Variants in ZNF599 observed in about 807,000 individuals in gnomAD.
ZNF599 encodes the protein zinc finger protein 599.
Under a neutral mutation model 11.7 loss-of-function variants are expected in ZNF599, and 10 were observed. That is an observed-to-expected ratio of 0.86 (90% confidence interval 0.53 to 1.45). The LOEUF is 1.45. Among genes scored for constraint, ZNF599 ranks in the 40% most tolerant of loss-of-function variants. ZNF599 has a pLI of 0.00. For synonymous variants in ZNF599, 232 were observed against 253.2 expected, an observed-to-expected ratio of 0.92 and a Z score of 0.79; for missense variants, 688 against 713.6, an observed-to-expected ratio of 0.96 and a Z score of 0.41.
At chr19:34,793,163 A>AT in the ZNF599 span, among the ~76,000 whole-genome samples, 10 of 152,262 alleles carry the variant, frequency 6.6e-5, no homozygotes, top group African/African-American at 2.4e-4. Context: ...AGGACTGAAC[A>AT]TTTTGCTGAG....
chr19:34,792,234 CAG>C, the ZNF599 span, among the ~76,000 whole-genome samples: 1 of 152,178 alleles, frequency 6.6e-6, no homozygotes, highest in Non-Finnish European at 1.5e-5. Context: ...CATTTCATAA[CAG>C]AAACTATTTT....
intron 3 of ZNF599, chr19:34,765,745 T>C: frequency 1.4e-6 from 1 of 694,904 alleles, no homozygotes; most frequent in Admixed American, 2.0e-5. Flanking sequence ...CTGACATCAG[T>C]GGCAAGGGAG....
At chr19:34,806,992 T>C in the ZNF599 span, among the ~76,000 whole-genome samples, 1 of 152,178 alleles carries the variant, frequency 6.6e-6, no homozygotes, top group African/African-American at 2.4e-5. Flanking sequence ...TGGGCCCAGT[T>C]TGGTTCTGTG....
chr19:34,777,459 A>T (rs35296268), upstream of ZNF599, among the ~76,000 whole-genome samples: 3 of 98,360 alleles, frequency 3.1e-5, no homozygotes, highest in East Asian at 2.4e-4. Flanking sequence ...ATTAATATAT[A>T]ATATATTATA....
chr19:34,804,487 G>T, the ZNF599 span, among the ~76,000 whole-genome samples: 1 of 152,180 alleles, frequency 6.6e-6, no homozygotes, highest in Non-Finnish European at 1.5e-5. Flanking sequence ...GAAAGCTGAA[G>T]ATCATGACCT....
the ZNF599 span, among the ~76,000 whole-genome samples, chr19:34,786,540 C>A: frequency 6.6e-6 from 1 of 152,286 alleles, no homozygotes; most frequent in African/African-American, 2.4e-5. Flanking sequence ...TGGTGTCTTG[C>A]AAAGCCCACA....
upstream of ZNF599, among the ~76,000 whole-genome samples, chr19:34,778,112 G>A (rs982069512): frequency 2.6e-5 from 4 of 152,004 alleles, no homozygotes; most frequent in African/African-American, 9.7e-5. Flanking sequence ...CAATAAATAT[G>A]TGCAGGTTTT....
chr19:34,790,221 C>G, the ZNF599 span, among the ~76,000 whole-genome samples: 2 of 152,272 alleles, frequency 1.3e-5, no homozygotes, highest in South Asian at 4.1e-4. Flanking sequence ...TCACAAAAGG[C>G]TTTCTGACAT....
At chr19:34,803,568 A>G in the ZNF599 span, among the ~76,000 whole-genome samples, 1 of 152,070 alleles carries the variant, frequency 6.6e-6, no homozygotes, top group Admixed American at 6.5e-5. Context: ...CCCCATATTC[A>G]TACTCCTTCC....
At chr19:34,775,002 CCTCA>C (rs1458887700), upstream of ZNF599, among the ~76,000 whole-genome samples, 1 of 152,084 alleles carries the variant, frequency 6.6e-6, no homozygotes, top group Non-Finnish European at 1.5e-5. Flanking sequence ...GGCATCTTCC[CCTCA>C]CTCTCTCTTG....
chr19:34,760,435 T>C lies in ZNF599; in HGVS notation c.366A>G (p.Arg122=). The C allele has an allele frequency of 1.2e-6, 2 of 1,614,196 alleles. No homozygotes were observed. The highest frequency in any genetic ancestry group is 1.1e-5 in the South Asian group (1 of 91,086). ...SSRDSRLGQA[R]DEEKLIKIQE... is the part of the protein sequence containing the mutation. The stretch of plus-strand genomic sequence containing the variant: ...GAATTTTTATTAGCTTTTCCTCATC[T>C]CTAGCTTGCCCCAACCTGGAATCTC... Residue 122 remains arginine, a synonymous_variant, in exon 4 of 4, where the codon AGA becomes AGG. Coordinates refer to ENST00000329285, the MANE Select transcript of ZNF599 (RefSeq NM_001007248.3).
At chr19:34,773,704 G>GA (rs2069201562), upstream of ZNF599, among the ~76,000 whole-genome samples, 2 of 151,974 alleles carry the variant, frequency 1.3e-5, no homozygotes, top group Admixed American at 1.3e-4. Flanking sequence ...GGTACTCTGG[G>GA]GGGTGGGACC....
chr19:34,770,802 T>G (rs1800124797), intron 1 of ZNF599, among the ~76,000 whole-genome samples: 1 of 152,146 alleles, frequency 6.6e-6, no homozygotes, highest in African/African-American at 2.4e-5. Flanking sequence ...TTGGTGTCAC[T>G]CTATGTCTCC....
At chr19:34,796,662 C>A in the ZNF599 span, among the ~76,000 whole-genome samples, 1 of 152,156 alleles carries the variant, frequency 6.6e-6, no homozygotes, top group Admixed American at 6.5e-5. Flanking sequence ...GGGAGCCATT[C>A]TTTTCCTCTG....
chr19:34,766,952 CA>C (rs918509123), intron 3 of ZNF599: 18 of 188,446 alleles, frequency 9.6e-5, no homozygotes, highest in African/African-American at 3.7e-4. Context: ...GATAAAAAAA[CA>C]AAACAAAACG....
the ZNF599 span, among the ~76,000 whole-genome samples, chr19:34,780,248 C>T: frequency 6.6e-6 from 1 of 152,302 alleles, no homozygotes; most frequent in South Asian, 2.1e-4. Flanking sequence ...TGGCTCATGC[C>T]TGTAATCCCA....
the ZNF599 span, among the ~76,000 whole-genome samples, chr19:34,793,631 C>T: frequency 6.6e-6 from 1 of 152,104 alleles, no homozygotes; most frequent in African/African-American, 2.4e-5. Flanking sequence ...GTAGGTGAAC[C>T]CCAGAATTGG....
In ZNF599 at chr19:34,760,368, T is replaced by C. The variant is rs778020218; in HGVS notation, c.433A>G (p.Ile145Val). ...TTATAACTCAACTTCTCAGGGCATA[T>C]CTCTTTGTGGGGGTTTGTTCCTGGC... is the stretch of plus-strand genomic sequence containing the variant. ...LRPGTNPHKE[I>V]CPEKLSYKHD... Residue 145 changes from isoleucine (I) to valine (V), a missense_variant, in exon 4 of 4, where the codon ATA (isoleucine) becomes GTA (valine). By Grantham distance (29) the Ile-to-Val change is conservative (BLOSUM62 3). Transcript: ENST00000329285. 6.2e-7 allele frequency: 1 copy of C among 1,614,098 alleles called. No homozygotes were observed. Among genetic ancestry groups the C allele is most frequent in the South Asian group, 1.1e-5 (1 of 91,074 alleles).
rs144313171 is a variant in ZNF599 at position 34,772,255 on chromosome 19, A to G, written c.18+569T>C. ...GCGGCAAGCCAGATTCATTTGTAAT[A>G]AACAGACGGCATCTGCAAAGATAAA... is the stretch of plus-strand genomic sequence containing the variant. On this transcript the variant is annotated intron_variant, in intron 1 of 3. Transcript: ENST00000329285. 14 of 919,700 alleles carry G rather than the reference A, an allele frequency of 1.5e-5. No homozygotes were observed. In the African/African-American group the frequency reaches 2.5e-4, roughly 16 times the overall value. 57.0% of individuals were successfully genotyped at this position (919,700 alleles called of 1,614,324 possible). A position where few individuals can be genotyped will look rare whatever the true frequency, so the allele number is the denominator to read the frequency against.
Sources: allele counts gnomAD v4.1 joint callset (sites outside exome capture counted in the v4.1 genomes callset), GRCh38; gene constraint gnomAD v4.1.1; transcripts MANE v1.5; gene names NCBI Gene and HGNC (gene_info 2026-07-23, HGNC 2026-07-21).